The following IARS2 variants were observed in gnomAD, a reference collection of about 807,000 sequenced individuals.
IARS2 encodes isoleucine--tRNA ligase, mitochondrial.
A neutral mutation model predicts 126.3 loss-of-function variants in IARS2; 56 were observed. The observed-to-expected ratio is 0.44, with a 90% CI of 0.36 to 0.55. The LOEUF is 0.55. IARS2 is among the 20% of genes least tolerant of loss of function. The pLI is 0.00. For missense variants in IARS2, 1,127 were observed against 1,245.9 expected, an observed-to-expected ratio of 0.90 and a Z score of 1.44; for synonymous variants, 407 against 441.1, an observed-to-expected ratio of 0.92 and a Z score of 0.97.
intron 21 of IARS2, chr1:220,144,019 A>G: frequency 1.3e-6 from 2 of 1,532,730 alleles, no homozygotes; most frequent in African/African-American, 1.4e-5. Context: ...TTCATGGTCC[A>G]TGATGCCAGC....
At chr1:220,127,339 CT>C in intron 14 of IARS2, among the ~76,000 whole-genome samples, 1 of 152,302 alleles carries the variant, frequency 6.6e-6, no homozygotes, top group South Asian at 2.1e-4. Flanking sequence ...TTTCTCCTCT[CT>C]GTACAAACAG....
intron 7 of IARS2, 62 bp downstream of exon 7, chr1:220,102,839 T>A: frequency 1.1e-6 from 1 of 899,148 alleles, no homozygotes; most frequent in Non-Finnish European, 1.8e-6. Flanking sequence ...TTATTAACAT[T>A]ATTTTGAATT....
chr1:220,111,576 GTATATATATA>G (rs148565915), intron 11 of IARS2, among the ~76,000 whole-genome samples: 12 of 139,536 alleles, frequency 8.6e-5, no homozygotes, highest in African/African-American at 2.7e-4. Flanking sequence ...TTCTATATGG[GTATATATATA>G]TATATATATA....
rs1395868643 is a variant in IARS2 at position 220,120,082 on chromosome 1, C to CT, written c.1641-5139dup. On this transcript the variant is annotated intron_variant, in intron 12 of 22. Coordinates refer to ENST00000366922, the MANE Select transcript of IARS2 (RefSeq NM_018060.4). ...TTTGTTTTCAAAGCTCTCTGTCACA[C>CT]TTTTTTTTTTTTTTTTGAGTTGGAG... 8.8e-3 allele frequency among the ~76,000 whole-genome samples: 1,226 copies of CT among 139,092 alleles called. 14 individuals are homozygous for CT. The highest frequency in any genetic ancestry group is 0.012 in the Non-Finnish European group (782 of 63,612). 91.2% of individuals were successfully genotyped at this position (139,092 alleles called of 152,430 possible). A position where few individuals can be genotyped will look rare whatever the true frequency, so the allele number is the denominator to read the frequency against.
intron 13 of IARS2, 94 bp from the exon 14 acceptor site, chr1:220,126,656 T>G (rs1657161731): frequency 2.3e-6 from 2 of 867,822 alleles, no homozygotes; most frequent in Non-Finnish European, 3.7e-6. Context: ...ACTTCATGGT[T>G]GCATTTCATT....
intron 10 of IARS2, among the ~76,000 whole-genome samples, chr1:220,108,417 C>T (rs985675184): frequency 3.3e-5 from 5 of 151,022 alleles, no homozygotes; most frequent in Non-Finnish European, 5.9e-5. Context: ...GACGGAGTCT[C>T]GCTCTGTTGC....
At position 220,139,109 on chromosome 1, in the gene IARS2, G is replaced by A; in HGVS notation, c.2277G>A (p.Met759Ile). ...ATATGTATGTCATAGACCAGTACAT[G>A]CTACACTTACTGCAGGATTTGGCAA... ...VNDMYVIDQYMLHLLQDLANK... is the reference protein window; with the variant it reads ...VNDMYVIDQYILHLLQDLANK... The change falls in exon 18 of 23, where the codon ATG (methionine) becomes ATA (isoleucine). Residue 759 changes from methionine (M) to isoleucine (I), a missense_variant. Transcript: ENST00000366922. 1 of 1,610,096 alleles carries A rather than the reference G, an allele frequency of 6.2e-7. No individual in the cohort carries two copies. Among genetic ancestry groups the A allele is most frequent in the Non-Finnish European group, 8.5e-7 (1 of 1,178,354 alleles).
At chr1:220,130,493 G>A (rs1657235853) in intron 14 of IARS2, among the ~76,000 whole-genome samples, 1 of 152,090 alleles carries the variant, frequency 6.6e-6, no homozygotes, top group African/African-American at 2.4e-5. Context: ...TCATAGTTGG[G>A]GGCCTTAGAT....
intron 12 of IARS2, chr1:220,118,148 T>C (rs749579161): frequency 6.0e-6 from 3 of 497,134 alleles, no homozygotes; most frequent in Admixed American, 2.1e-5. Context: ...ACCTTTATAT[T>C]GTAGCAAGTT....
At chr1:220,145,926 T>G (rs111388717) in intron 22 of IARS2, among the ~76,000 whole-genome samples, 2 of 152,266 alleles carry the variant, frequency 1.3e-5, no homozygotes, top group African/African-American at 4.8e-5. Context: ...TATATGAAGT[T>G]TATGTTAGGC....
At chr1:220,131,538 A>G (rs1404643411) in intron 14 of IARS2, among the ~76,000 whole-genome samples, 2 of 151,786 alleles carry the variant, frequency 1.3e-5, no homozygotes, top group Non-Finnish European at 2.9e-5. Flanking sequence ...TTTAGTAGAG[A>G]CGGGGTTTCT....
intron 13 of IARS2, among the ~76,000 whole-genome samples, chr1:220,126,251 G>A (rs548697573): frequency 1.8e-4 from 27 of 152,156 alleles, no homozygotes; most frequent in Admixed American, 4.6e-4. Flanking sequence ...CTCCAGGCTG[G>A]GCAACAGAGT....
At chr1:220,146,563 TTTTTCATAGC>T (rs1481519414) in intron 22 of IARS2, among the ~76,000 whole-genome samples, 5 of 148,658 alleles carry the variant, frequency 3.4e-5, no homozygotes, top group African/African-American at 9.8e-5. Context: ...GCTGCTTGTG[TTTTTCATAGC>T]TTTTGGGTAC....
Position 220,097,521 on chromosome 1 carries a change from G to A in IARS2, c.390+1295G>A, listed in dbSNP as rs561888377. 2.6e-5 allele frequency among the ~76,000 whole-genome samples: 4 copies of A among 151,720 alleles called. No homozygotes were observed. In the East Asian group the frequency reaches 5.9e-4, roughly 22 times the overall value. On this transcript the variant is annotated intron_variant, in intron 2 of 22. Coordinates refer to ENST00000366922, the MANE Select transcript of IARS2 (RefSeq NM_018060.4). ...TGGGACTACAGGCGCCTGCCACCAC[G>A]CCCGGCTAATTTTTTGTATTTTTAG... is the stretch of plus-strand genomic sequence containing the variant.
At chr1:220,104,692 C>CTATTT (rs562157840) in intron 8 of IARS2, among the ~76,000 whole-genome samples, 5 of 152,082 alleles carry the variant, frequency 3.3e-5, no homozygotes, top group East Asian at 1.9e-4. Flanking sequence ...GACTAAAATT[C>CTATTT]TATTTTATTT....
At position 220,147,629 on chromosome 1, in the gene IARS2, A is replaced by T; in HGVS notation, c.3033A>T (p.Gly1011=). 6.2e-7 allele frequency: 1 copy of T among 1,614,022 alleles called. No individual in the cohort carries two copies. The highest frequency in any genetic ancestry group is 8.5e-7 in the Non-Finnish European group (1 of 1,179,958). The change falls in exon 23 of 23, where the codon GGA becomes GGT. Residue 1011 remains glycine (G), a synonymous_variant. Coordinates refer to ENST00000366922, the MANE Select transcript of IARS2 (RefSeq NM_018060.4). ...LCPRCAEVVS[G]K ...CTCGATGTGCAGAAGTTGTCAGTGG[A>T]AAATAGTATTAACAGCTCACTCGAG... is the stretch of plus-strand genomic sequence containing the variant.
At position 220,097,316 on chromosome 1, in the gene IARS2, G is replaced by A. The variant is rs1196415987; in HGVS notation, c.390+1090G>A. On this transcript the variant is annotated intron_variant, in intron 2 of 22. Transcript: ENST00000366922. ...CAGACCCCCAGCACATTTCCCAGTA[G>A]TTTCAGGCTTACATAATTCCACCTT... Among the ~76,000 whole-genome samples the A allele has an allele frequency of 2.0e-5, 3 of 149,986 alleles. No homozygotes were observed. In the East Asian group the frequency reaches 5.9e-4, roughly 29 times the overall value.
intron 2 of IARS2, among the ~76,000 whole-genome samples, chr1:220,096,784 C>A (rs535219710): frequency 6.6e-6 from 1 of 152,158 alleles, no homozygotes; most frequent in Non-Finnish European, 1.5e-5. Flanking sequence ...CAGTGGCTCA[C>A]GCCTGTAATC....
intron 9 of IARS2, 107 bp from the exon 10 acceptor site, chr1:220,106,953 GA>G (rs1172007538): frequency 8.8e-6 from 7 of 797,794 alleles, no homozygotes; most frequent in African/African-American, 8.7e-5. Flanking sequence ...TTTCAATGTA[GA>G]AAAAGACCAG....
Sources: allele counts gnomAD v4.1 joint callset (sites outside exome capture counted in the v4.1 genomes callset), GRCh38; gene constraint gnomAD v4.1.1; transcripts MANE v1.5; gene names NCBI Gene and HGNC (gene_info 2026-07-23, HGNC 2026-07-21).